Variants in DMD observed in about 807,000 individuals in gnomAD.
The protein encoded by DMD is mutant dystrophin.
Under a neutral mutation model 330.1 loss-of-function variants are expected in DMD, and 63 were observed. That is an observed-to-expected ratio of 0.19 (90% confidence interval 0.16 to 0.24). DMD has a LOEUF of 0.24. Among genes scored for constraint, DMD ranks in the 10% least tolerant of loss-of-function variants. The probability of loss-of-function intolerance (pLI) is 1.00; values close to 1 mark genes in which losing one functional copy is unlikely to be tolerated. For missense variants in DMD, 3,344 were observed against 2,684.1 expected, an observed-to-expected ratio of 1.25 and a Z score of -5.43; for synonymous variants, 1,223 against 959.8, an observed-to-expected ratio of 1.27 and a Z score of -5.07.
At chrX:31,174,214 T>C (rs1431183481) in intron 71 of DMD, among the ~76,000 whole-genome samples, 2 of 111,499 alleles carry the variant, frequency 1.8e-5, no homozygotes, top group Non-Finnish European at 3.8e-5. Context: ...CTGGATTATA[T>C]TGTGAGGTTT....
chrX:33,123,866 T>C (rs1355714586), intron 1 of DMD, among the ~76,000 whole-genome samples: 2 of 109,811 alleles, frequency 1.8e-5, no homozygotes, highest in Non-Finnish European at 3.8e-5. Context: ...CAAACAGCAG[T>C]AAAAATTGAA....
chrX:32,883,823 C>CCAAAAAAAAAAAA (rs1169678184), intron 2 of DMD, among the ~76,000 whole-genome samples: 8 of 30,354 alleles, frequency 2.6e-4, no homozygotes, highest in African/African-American at 1.1e-3. Context: ...GACTCTGTTT[C>CCAAAAAAAAAAAA]AAAAAAAAAA....
At chrX:32,758,362 G>C (rs1317144989) in intron 7 of DMD, among the ~76,000 whole-genome samples, 1 of 111,443 alleles carries the variant, frequency 9.0e-6, no homozygotes, top group East Asian at 2.8e-4. Context: ...AGATGGCAGA[G>C]ACTGCATTTA....
intron 55 of DMD, among the ~76,000 whole-genome samples, chrX:31,537,082 T>A (rs2073462541): frequency 8.9e-6 from 1 of 112,298 alleles, no homozygotes; most frequent in Admixed American, 9.5e-5. Flanking sequence ...TACCACCAAG[T>A]AATTACTGAG....
At chrX:32,467,035 T>G (rs1281466795) in intron 23 of DMD, among the ~76,000 whole-genome samples, 1 of 112,231 alleles carries the variant, frequency 8.9e-6, no homozygotes, top group African/African-American at 3.2e-5. Flanking sequence ...TTGTGCCCTC[T>G]TAGGCCACTG....
chrX:31,272,792 G>C (rs1470663927), intron 62 of DMD, among the ~76,000 whole-genome samples: 10 of 112,036 alleles, frequency 8.9e-5, no homozygotes, highest in Non-Finnish European at 1.9e-4. Context: ...CCTCCTTCTT[G>C]ACTCCATAAG....
chrX:31,877,345 T>C (rs2093983652), intron 47 of DMD, among the ~76,000 whole-genome samples: 1 of 111,051 alleles, frequency 9.0e-6, no homozygotes, highest in South Asian at 3.8e-4. Flanking sequence ...GAATGGGAAA[T>C]GTTGGGCCTG....
intron 7 of DMD, among the ~76,000 whole-genome samples, chrX:32,783,578 T>C (rs1019555657): frequency 1.8e-5 from 2 of 110,413 alleles, no homozygotes; most frequent in African/African-American, 3.3e-5. Context: ...ACATAATTTA[T>C]CTATATAACA....
Position 31,166,875 on chromosome X carries a change from A to T in DMD, c.10553+2568T>A, listed in dbSNP as rs2039470428. 1.8e-5 allele frequency among the ~76,000 whole-genome samples: 2 copies of T among 111,932 alleles called. 1 individual carries two copies. Among genetic ancestry groups the T allele is most frequent in the South Asian group, 7.5e-4 (2 of 2,664 alleles). On this transcript the variant is annotated intron_variant, in intron 74 of 78. Coordinates refer to ENST00000357033, the MANE Select transcript of DMD (RefSeq NM_004006.3). Reference sequence around the variant, plus strand: ...CGTGAAGGTCAAGGTAACTTACACAAAGATTTGCATCAACCCCAGAGTCCT... The same window carrying T: ...CGTGAAGGTCAAGGTAACTTACACATAGATTTGCATCAACCCCAGAGTCCT...
chrX:31,441,552 T>C (rs1249190150), intron 60 of DMD, among the ~76,000 whole-genome samples: 1 of 112,389 alleles, frequency 8.9e-6, no homozygotes, highest in Non-Finnish European at 1.9e-5. Context: ...AAGATGAACT[T>C]GTACTTGGTT....
chrX:32,057,548 C>T (rs908430549), intron 44 of DMD, among the ~76,000 whole-genome samples: 21 of 111,052 alleles, frequency 1.9e-4, no homozygotes, highest in African/African-American at 6.5e-4. Flanking sequence ...TTAGTAAATA[C>T]CCAACCAAGA....
At chrX:33,007,641 C>T (rs950501512) in intron 2 of DMD, among the ~76,000 whole-genome samples, 3 of 111,106 alleles carry the variant, frequency 2.7e-5, no homozygotes, top group African/African-American at 6.5e-5. Flanking sequence ...TGGTTTAGCT[C>T]GCTAGCTAAC....
intron 43 of DMD, among the ~76,000 whole-genome samples, chrX:32,222,466 G>A (rs1441117981): frequency 2.7e-5 from 3 of 111,857 alleles, no homozygotes; most frequent in African/African-American, 9.7e-5. Flanking sequence ...AAATATAAAA[G>A]ATCAATGAAA....
chrX:32,929,079 C>T (rs759334298), intron 2 of DMD, among the ~76,000 whole-genome samples: 1 of 110,932 alleles, frequency 9.0e-6, no homozygotes, highest in Non-Finnish European at 1.9e-5. Flanking sequence ...GATATAGGAG[C>T]CTGGAAGCAG....
At chrX:31,339,701 G>C (rs947173049) in intron 61 of DMD, among the ~76,000 whole-genome samples, 1 of 111,484 alleles carries the variant, frequency 9.0e-6, no homozygotes, top group African/African-American at 3.3e-5. Context: ...TCAGCCTCTC[G>C]AGTAGCTGGG....
At chrX:32,153,117 T>C (rs1603627251) in intron 44 of DMD, among the ~76,000 whole-genome samples, 2 of 112,414 alleles carry the variant, frequency 1.8e-5, no homozygotes. Flanking sequence ...TCTATTAGCT[T>C]AGTTATTTCA....
chrX:32,584,180 T>C (rs2053969361), intron 13 of DMD, among the ~76,000 whole-genome samples: 1 of 111,201 alleles, frequency 9.0e-6, no homozygotes, highest in Non-Finnish European at 1.9e-5. Context: ...ACAACTGAAA[T>C]AGTATTCCGC....
At chrX:32,892,960 AT>A (rs1423735786) in intron 2 of DMD, among the ~76,000 whole-genome samples, 3 of 111,517 alleles carry the variant, frequency 2.7e-5, no homozygotes, top group Non-Finnish European at 5.6e-5. Context: ...TTTATCAGAC[AT>A]TTTCTCCTGG....
chrX:32,575,272 A>T (rs779766006), intron 13 of DMD, among the ~76,000 whole-genome samples: 9 of 111,771 alleles, frequency 8.1e-5, no homozygotes, highest in Non-Finnish European at 1.5e-4. Context: ...CTTAAAAAAA[A>T]ATACACGCAT....
Sources: allele counts gnomAD v4.1 joint callset (sites outside exome capture counted in the v4.1 genomes callset), GRCh38; gene constraint gnomAD v4.1.1; transcripts MANE v1.5; gene names NCBI Gene and HGNC (gene_info 2026-07-23, HGNC 2026-07-21).